PDSS2: variants seen among roughly 807,000 people sequenced by gnomAD.
The protein encoded by PDSS2 is all trans-polyprenyl-diphosphate synthase PDSS2.
Under a neutral mutation model 44.5 loss-of-function variants are expected in PDSS2, and 31 were observed. That is an observed-to-expected ratio of 0.70 (90% CI 0.52 to 0.94). PDSS2 has a LOEUF of 0.94. Ranked by LOEUF, PDSS2 falls within the 40% of genes least tolerant of loss-of-function variation. The pLI, the probability that PDSS2 is intolerant of heterozygous loss-of-function variation, is 0.00. For missense variants in PDSS2, 452 were observed against 482.2 expected (o/e 0.94, Z 0.59); for synonymous variants, 157 against 180.3 (o/e 0.87, Z 1.03).
intron 3 of PDSS2, among the ~76,000 whole-genome samples, chr6:107,252,026 C>T (rs1409382492): frequency 6.6e-6 from 1 of 152,152 alleles, no homozygotes; most frequent in African/African-American, 2.4e-5. Flanking sequence ...TAGATTCAGT[C>T]CCCAGTGCTC....
intron 3 of PDSS2, among the ~76,000 whole-genome samples, chr6:107,268,297 C>T (rs992681479): frequency 5.9e-5 from 9 of 151,972 alleles, no homozygotes; most frequent in African/African-American, 2.2e-4. Flanking sequence ...CAAACTGGGA[C>T]ACAAGAGTAA....
At position 107,218,234 on chromosome 6, in the gene PDSS2, A is replaced by G. The variant is rs142923225; in HGVS notation, c.703-5952T>C. 2.4e-3 allele frequency among the ~76,000 whole-genome samples: 371 copies of G among 152,314 alleles called. 1 individual carries two copies. Among genetic ancestry groups the G allele is most frequent in the African/African-American group, 8.3e-3 (347 of 41,584 alleles). On this transcript the variant is annotated intron_variant, in intron 4 of 7. Coordinates refer to ENST00000369037, the MANE Select transcript of PDSS2 (RefSeq NM_020381.4). ...ATTTTATTTGACTTTGACAAAGGTTACAGTCTGTTGTTCACCCAACTGCCA... is the reference window on the plus strand; with the variant it reads ...ATTTTATTTGACTTTGACAAAGGTTGCAGTCTGTTGTTCACCCAACTGCCA...
chr6:107,230,890 T>C (rs1164761139), intron 4 of PDSS2, among the ~76,000 whole-genome samples: 1 of 152,084 alleles, frequency 6.6e-6, no homozygotes, highest in Non-Finnish European at 1.5e-5. Context: ...AGTAAAAATT[T>C]ATTTTCTCAC....
At chr6:107,279,535 C>A (rs1775892440) in intron 2 of PDSS2, among the ~76,000 whole-genome samples, 1 of 152,160 alleles carries the variant, frequency 6.6e-6, no homozygotes, top group South Asian at 2.1e-4. Flanking sequence ...TTACATAAGA[C>A]AATTCATGGG....
chr6:107,361,232 T>A (rs1440130949), intron 1 of PDSS2, among the ~76,000 whole-genome samples: 1 of 152,220 alleles, frequency 6.6e-6, no homozygotes, highest in Non-Finnish European at 1.5e-5. Context: ...GTTCTTGTGG[T>A]ATTTCTTGAA....
intron 1 of PDSS2, among the ~76,000 whole-genome samples, chr6:107,410,929 G>A (rs1257908482): frequency 2.0e-4 from 30 of 151,866 alleles, no homozygotes; most frequent in Middle Eastern, 3.4e-3. Flanking sequence ...ATGCCGCCCA[G>A]GCTGGAGTGC....
intron 1 of PDSS2, among the ~76,000 whole-genome samples, chr6:107,443,865 C>T (rs371545777): frequency 1.5e-4 from 23 of 152,234 alleles, no homozygotes; most frequent in African/African-American, 5.3e-4. Flanking sequence ...TTGTTCACTA[C>T]GGCATTTATC....
intron 1 of PDSS2, among the ~76,000 whole-genome samples, chr6:107,389,059 CA>C (rs1200398342): frequency 6.6e-6 from 1 of 151,930 alleles, no homozygotes; most frequent in Non-Finnish European, 1.5e-5. Context: ...CAGTGGTTGC[CA>C]GGGGTTGGGA....
intron 1 of PDSS2, among the ~76,000 whole-genome samples, chr6:107,363,665 G>C (rs1041327977): frequency 7.9e-5 from 12 of 152,210 alleles, no homozygotes; most frequent in Non-Finnish European, 1.5e-4. Flanking sequence ...GGGGACCCGA[G>C]CGGGTTGCCA....
At chr6:107,173,594 A>AAAAAAAAG (rs1771684080) in intron 7 of PDSS2, among the ~76,000 whole-genome samples, 1 of 150,712 alleles carries the variant, frequency 6.6e-6, no homozygotes, top group Non-Finnish European at 1.5e-5. Context: ...AAAAAAAAAA[A>AAAAAAAAG]AAACGCTTAG....
intron 3 of PDSS2, chr6:107,264,206 A>G: frequency 9.2e-7 from 1 of 1,090,266 alleles, no homozygotes; most frequent in Non-Finnish European, 1.2e-6. Flanking sequence ...CATCTTTATT[A>G]AACTATATAG....
chr6:107,285,371 G>T (rs1016909645), intron 2 of PDSS2, among the ~76,000 whole-genome samples: 6 of 152,226 alleles, frequency 3.9e-5, no homozygotes, highest in Middle Eastern at 3.4e-3. Flanking sequence ...ATGGCTGGGC[G>T]TGGAGGCTCA....
intron 2 of PDSS2, among the ~76,000 whole-genome samples, chr6:107,319,155 G>A (rs754570328): frequency 6.6e-6 from 1 of 151,832 alleles, no homozygotes; most frequent in Admixed American, 6.6e-5. Context: ...TTCTAAAATC[G>A]GAAAGTGGAA....
chr6:107,458,842 A>T, intron 1 of PDSS2, 148 bp downstream of exon 1: 1 of 698,618 alleles, frequency 1.4e-6, no homozygotes, highest in Non-Finnish European at 2.5e-6. Context: ...AAGAGACAAC[A>T]CGGAATGTCT....
At chr6:107,403,908 T>C (rs1462863521) in intron 1 of PDSS2, among the ~76,000 whole-genome samples, 1 of 152,218 alleles carries the variant, frequency 6.6e-6, no homozygotes, top group Admixed American at 6.5e-5. Flanking sequence ...CCCCATTGTT[T>C]TGGCAATTAG....
intron 2 of PDSS2, among the ~76,000 whole-genome samples, chr6:107,289,147 C>CGT (rs1199918963): frequency 6.6e-6 from 1 of 150,614 alleles, no homozygotes; most frequent in Non-Finnish European, 1.5e-5. Flanking sequence ...CCAAGATGGG[C>CGT]GTATCACCTG....
At chr6:107,300,261 C>G (rs895685279) in intron 2 of PDSS2, among the ~76,000 whole-genome samples, 1 of 152,170 alleles carries the variant, frequency 6.6e-6, no homozygotes, top group Admixed American at 6.5e-5. Context: ...GACCAGCCTG[C>G]TAGTTCATGC....
At chr6:107,244,407 T>C (rs913593985) in intron 4 of PDSS2, among the ~76,000 whole-genome samples, 1 of 152,240 alleles carries the variant, frequency 6.6e-6, no homozygotes, top group Non-Finnish European at 1.5e-5. Flanking sequence ...CAAGTGGAAC[T>C]AGACCAGTAG....
chr6:107,418,690 G>A (rs957506172), intron 1 of PDSS2, among the ~76,000 whole-genome samples: 4 of 152,072 alleles, frequency 2.6e-5, no homozygotes, highest in African/African-American at 4.8e-5. Flanking sequence ...CAGGAGAATC[G>A]CTTGAACCTG....
Sources: gnomAD v4.1 joint callset for allele counts (sites outside exome capture counted in the v4.1 genomes callset) on GRCh38, gnomAD v4.1.1 for gene constraint, MANE v1.5 for transcripts, NCBI Gene and HGNC (gene_info 2026-07-23, HGNC 2026-07-21) for gene names.